The following RIPK1 variants were observed in gnomAD, a reference collection of about 807,000 sequenced individuals.
The protein encoded by RIPK1 is receptor interacting serine/threonine kinase 1, also known as receptor-interacting serine/threonine-protein kinase 1.
Under a neutral mutation model 62.4 loss-of-function variants are expected in RIPK1, and 27 were observed. The ratio of observed to expected loss-of-function variants is 0.43; its 90% CI spans 0.32 to 0.60. The LOEUF is 0.60. Among genes scored for constraint, RIPK1 ranks in the 20% least tolerant of loss-of-function variants. The probability of loss-of-function intolerance (pLI) is 0.07; values close to 1 mark genes in which losing one functional copy is unlikely to be tolerated. For synonymous variants in RIPK1, 287 were observed against 303.2 expected (o/e 0.95, Z 0.55); for missense variants, 735 against 831.0 (o/e 0.88, Z 1.42).
At chr6:3,099,097 T>C (rs1016191408) in intron 7 of RIPK1, among the ~76,000 whole-genome samples, 8 of 152,202 alleles carry the variant, frequency 5.3e-5, no homozygotes, top group African/African-American at 1.9e-4. Flanking sequence ...AATCAATCCA[T>C]GTATGTTTCT....
Position 3,114,919 on chromosome 6 carries a change from A to T in RIPK1, c.*1580A>T, listed in dbSNP as rs1295596480. ...CCCGGTTGAGAAGAGCACTGCTGTA[A>T]AGTAATGAGCCTCGGCTCTCCTGTC... is the stretch of plus-strand genomic sequence containing the variant. On this transcript the variant is annotated 3_prime_UTR_variant, in exon 11 of 11. Coordinates refer to ENST00000259808, the MANE Select transcript of RIPK1 (RefSeq NM_001354930.2). This position sits in a 1 kb window ranked among gnomAD's most constrained non-coding sequence, Gnocchi z 5.0. The T allele has an allele frequency of 6.6e-6, 1 of 151,994 alleles. No individual in the cohort carries two copies. The highest frequency in any genetic ancestry group is 1.5e-5 in the Non-Finnish European group (1 of 68,028). 9.4% of individuals were successfully genotyped at this position (151,994 alleles called of 1,614,324 possible). A position where few individuals can be genotyped will look rare whatever the true frequency, so the allele number is the denominator to read the frequency against.
Position 3,077,941 on chromosome 6 carries a change from G to A in RIPK1, c.321+6G>A, listed in dbSNP as rs376321498. ...TGCACGTGCTGAAAGCCGAGGTAGA[G>A]AGGGCCCCTCCGCACGGGGATCCCC... On this transcript the variant is annotated splice_donor_region_variant and intron_variant, in intron 3 of 10. Coordinates refer to ENST00000259808, the MANE Select transcript of RIPK1 (RefSeq NM_001354930.2). 1 of 1,613,592 alleles carries A rather than the reference G, an allele frequency of 6.2e-7. No homozygotes were observed. The highest frequency in any genetic ancestry group is 8.5e-7 in the Non-Finnish European group (1 of 1,179,898).
intron 1 of RIPK1, among the ~76,000 whole-genome samples, chr6:3,071,385 G>T (rs540929306): frequency 6.6e-6 from 1 of 152,304 alleles, no homozygotes; most frequent in African/African-American, 2.4e-5. Context: ...CAAATTCACT[G>T]TCCTGAGTCC....
intron 2 of RIPK1, 109 bp downstream of exon 2, chr6:3,077,096 A>C (rs894998795): frequency 4.0e-6 from 4 of 1,000,272 alleles, no homozygotes; most frequent in Non-Finnish European, 5.8e-6. Flanking sequence ...AGTGAGAGGG[A>C]GCCTGCCAAG....
chr6:3,078,071 CT>C, intron 3 of RIPK1, 136 bp downstream of exon 3: 22 of 823,236 alleles, frequency 2.7e-5, no homozygotes, highest in Admixed American at 5.7e-5. Flanking sequence ...TTTTCTTTTC[CT>C]TTTTTTATAG....
chr6:3,105,546 C>G lies in RIPK1; in HGVS notation c.1071C>G (p.Ser357=). The change falls in exon 9 of 11, where the codon TCC becomes TCG. Residue 357 remains serine (S), a synonymous_variant. Transcript: ENST00000259808. The surrounding 1 kb of genome is among the most constrained non-coding windows in gnomAD (Gnocchi z 4.5). The part of the protein sequence containing the change: ...QGLGMGPVEE[S]WFAPSLEHPQ... Reference sequence around the variant, plus strand: ...TTGGGATGGGTCCTGTGGAGGAGTCCTGGTTTGCTCCTTCCCTGGAGCACC... The same window carrying G: ...TTGGGATGGGTCCTGTGGAGGAGTCGTGGTTTGCTCCTTCCCTGGAGCACC... The G allele has an allele frequency of 1.2e-6, 2 of 1,608,556 alleles. No homozygotes were observed. The highest frequency in any genetic ancestry group is 1.7e-6 in the Non-Finnish European group (2 of 1,177,102).
At chr6:3,106,132 T>C in intron 9 of RIPK1, 81 bp downstream of exon 9, 2 of 1,101,008 alleles carry the variant, frequency 1.8e-6, no homozygotes, top group Non-Finnish European at 2.6e-6. Context: ...CTATTATAGA[T>C]TGTGGGTTAT....
chr6:3,103,833 C>A (rs992944735), intron 7 of RIPK1, among the ~76,000 whole-genome samples: 1 of 152,164 alleles, frequency 6.6e-6, no homozygotes, highest in African/African-American at 2.4e-5. Context: ...GGTCCAACTT[C>A]ATTATTTCAT....
At chr6:3,071,053 T>C (rs551894014) in intron 1 of RIPK1, among the ~76,000 whole-genome samples, 1 of 152,372 alleles carries the variant, frequency 6.6e-6, no homozygotes, top group South Asian at 2.1e-4. Flanking sequence ...CTGTTTCAAT[T>C]CTTGTCTCTT....
At chr6:3,070,788 T>C (rs1758671342) in intron 1 of RIPK1, among the ~76,000 whole-genome samples, 1 of 151,678 alleles carries the variant, frequency 6.6e-6, no homozygotes, top group Non-Finnish European at 1.5e-5. Context: ...TGTCGCACAT[T>C]TATTTAATAT....
chr6:3,112,277 G>A (rs1761202581), intron 10 of RIPK1, among the ~76,000 whole-genome samples: 1 of 152,198 alleles, frequency 6.6e-6, no homozygotes, highest in Non-Finnish European at 1.5e-5. Flanking sequence ...TTAAGTAAGA[G>A]GAAAGTGAAC....
chr6:3,094,618 T>C (rs1453216062), intron 7 of RIPK1, among the ~76,000 whole-genome samples: 1 of 150,112 alleles, frequency 6.7e-6, no homozygotes, highest in Admixed American at 6.7e-5. Context: ...GGCTGAAAAT[T>C]AATTAGCCAA....
chr6:3,067,182 G>A (rs914900761), upstream of RIPK1, among the ~76,000 whole-genome samples: 1 of 145,282 alleles, frequency 6.9e-6, no homozygotes, highest in African/African-American at 2.6e-5. Flanking sequence ...CTCAAGTTTT[G>A]GCAATTATGA....
rs1415198656 is a variant in RIPK1, at chr6:3,105,370, T to G, written c.1007-112T>G. ...TCCTAAATGCTTTGGACTGGTCTCG[T>G]ACTTGTTTTCTGTGTGTTACTTTGA... is the stretch of plus-strand genomic sequence containing the variant. On this transcript the variant is annotated intron_variant, in intron 8 of 10. Transcript: ENST00000259808. The surrounding 1 kb of genome is among the most constrained non-coding windows in gnomAD (Gnocchi z 4.5). 2.4e-6 allele frequency: 2 copies of G among 820,104 alleles called. No homozygotes were observed. The highest frequency in any genetic ancestry group is 2.0e-6 in the Non-Finnish European group (1 of 507,382). 50.8% of individuals were successfully genotyped at this position (820,104 alleles called of 1,614,324 possible).
chr6:3,066,876 T>C (rs1370317248), upstream of RIPK1, among the ~76,000 whole-genome samples: 3 of 152,164 alleles, frequency 2.0e-5, no homozygotes, highest in Admixed American at 6.5e-5. Flanking sequence ...AAAAATCCCT[T>C]GTGCCTCACC....
At position 3,080,986 on chromosome 6, in the gene RIPK1, C is replaced by T. The variant is rs1157763245; in HGVS notation, c.329C>T (p.Thr110Ile). The change falls in exon 4 of 11, where the codon ACT (threonine) becomes ATT (isoleucine). Residue 110 changes from threonine (T) to isoleucine (I), a missense_variant. Physicochemically the swap from Thr to Ile is moderately conservative, Grantham distance 89. Transcript: ENST00000259808. ...LMHVLKAEMS[T>I]PLSVKGRIIL... ...TAATATCACTTGTTTTAGATGAGTA[C>T]TCCGCTTTCTGTAAAAGGAAGGATA... 1 of 1,613,758 alleles carries T rather than the reference C, an allele frequency of 6.2e-7. No individual in the cohort carries two copies. The highest frequency in any genetic ancestry group is 2.2e-5 in the East Asian group (1 of 44,878).
chr6:3,074,209 G>A lies in RIPK1; in HGVS notation c.-60-2555G>A, dbSNP rs573301880. On this transcript the variant is annotated intron_variant, in intron 1 of 10. Coordinates refer to ENST00000259808, the MANE Select transcript of RIPK1 (RefSeq NM_001354930.2). Reference sequence around the variant, plus strand: ...ATGCCCCTGCCCACTCAGCCTCACCGTGCTCACAGGCGGCCAGTGTTCTTT... The same window carrying A: ...ATGCCCCTGCCCACTCAGCCTCACCATGCTCACAGGCGGCCAGTGTTCTTT... Among the ~76,000 whole-genome samples, 8 of 152,266 alleles carry A rather than the reference G, an allele frequency of 5.3e-5. No homozygotes were observed. The South Asian group carries it at 6.2e-4, about 12-fold the overall frequency.
Position 3,113,396 on chromosome 6 carries a change from A to G in RIPK1, c.*57A>G. The G allele has an allele frequency of 1.3e-6, 2 of 1,534,150 alleles. No homozygotes were observed. Among genetic ancestry groups the G allele is most frequent in the Admixed American group, 3.8e-5 (2 of 52,340 alleles). ...GCCTCACTTAGTGGATAACCCCAGA[A>G]AGTTGGCTGCCTCAGAGCATTCAGA... On this transcript the variant is annotated 3_prime_UTR_variant, in exon 11 of 11. Coordinates refer to ENST00000259808, the MANE Select transcript of RIPK1 (RefSeq NM_001354930.2). The surrounding 1 kb of genome is among the most constrained non-coding windows in gnomAD (Gnocchi z 5.0).
intron 9 of RIPK1, among the ~76,000 whole-genome samples, chr6:3,107,442 G>A (rs981990622): frequency 6.8e-6 from 1 of 146,748 alleles, no homozygotes; most frequent in Non-Finnish European, 1.5e-5. Flanking sequence ...GCGTGCGCCT[G>A]TAATCCCAGC....
Sources: allele counts gnomAD v4.1 joint callset (sites outside exome capture counted in the v4.1 genomes callset), GRCh38; gene constraint gnomAD v4.1.1; non-coding constraint Gnocchi (gnomAD v3.1); transcripts MANE v1.5; gene names NCBI Gene and HGNC (gene_info 2026-07-23, HGNC 2026-07-21).